Variants in STIM2 observed in about 807,000 individuals in gnomAD.
STIM2 encodes the protein stromal interaction molecule 2.
STIM2 carries 31 observed loss-of-function variants against 85.8 expected under a neutral mutation model. That is an observed-to-expected ratio of 0.36 (90% CI 0.27 to 0.49). The LOEUF (loss-of-function observed/expected upper bound fraction) is 0.49. Ranked by LOEUF, STIM2 falls within the 20% of genes least tolerant of loss-of-function variation. STIM2 has a pLI of 0.98. For missense variants in STIM2, 841 were observed against 927.6 expected (o/e 0.91, Z 1.21); for synonymous variants, 356 against 331.1 (o/e 1.08, Z -0.82).
intron 1 of STIM2, among the ~76,000 whole-genome samples, chr4:26,874,687 T>G (rs1722751684): frequency 6.6e-6 from 1 of 152,186 alleles, no homozygotes; most frequent in African/African-American, 2.4e-5. Context: ...TTAAGAACAT[T>G]AAAAAAGTGC....
At chr4:26,993,075 A>G (rs543150532) in intron 3 of STIM2, among the ~76,000 whole-genome samples, 1 of 152,230 alleles carries the variant, frequency 6.6e-6, no homozygotes, top group South Asian at 2.1e-4. Context: ...ACAGTCATAG[A>G]GAGAATCTTA....
chr4:26,921,930 A>G (rs1213317278), intron 2 of STIM2, among the ~76,000 whole-genome samples: 1 of 152,178 alleles, frequency 6.6e-6, no homozygotes, highest in Admixed American at 6.5e-5. Flanking sequence ...AGTACCAGCG[A>G]TACCAAAATC....
At chr4:27,017,531 A>G (rs1049232410) in intron 10 of STIM2, among the ~76,000 whole-genome samples, 180 bp from the exon 11 acceptor site, 1 of 149,804 alleles carries the variant, frequency 6.7e-6, no homozygotes, top group East Asian at 2.0e-4. Context: ...TTTTGTTTCT[A>G]TTTCTTAACT....
chr4:26,964,046 A>G (rs764446081), intron 3 of STIM2, among the ~76,000 whole-genome samples: 2 of 152,142 alleles, frequency 1.3e-5, no homozygotes, highest in Non-Finnish European at 2.9e-5. Context: ...TGGAAGGTAA[A>G]TCTGACCATG....
chr4:27,021,547 T>C (rs932944866), intron 11 of STIM2: 1 of 456,580 alleles, frequency 2.2e-6, no homozygotes. Flanking sequence ...GTACACGGCC[T>C]GGTACGCTTT....
chr4:26,891,987 A>G (rs189553183), intron 1 of STIM2, among the ~76,000 whole-genome samples: 5 of 152,112 alleles, frequency 3.3e-5, no homozygotes, highest in South Asian at 2.1e-4. Context: ...TGCTGTTCTC[A>G]TGATAGTGAA....
intron 2 of STIM2, among the ~76,000 whole-genome samples, chr4:26,919,903 T>G (rs769309722): frequency 6.6e-6 from 1 of 152,214 alleles, no homozygotes; most frequent in Non-Finnish European, 1.5e-5. Context: ...CTATTCTGAC[T>G]GTATTTTATC....
At chr4:26,897,128 A>G (rs991514316) in intron 1 of STIM2, among the ~76,000 whole-genome samples, 26 of 152,310 alleles carry the variant, frequency 1.7e-4, no homozygotes, top group Non-Finnish European at 2.8e-4. Flanking sequence ...TGTTTTCACT[A>G]TGGGCCTATT....
chr4:26,941,739 GTATC>G (rs1384860982), intron 2 of STIM2, among the ~76,000 whole-genome samples: 1 of 151,586 alleles, frequency 6.6e-6, no homozygotes, highest in African/African-American at 2.4e-5. Flanking sequence ...TTAAAGGTAA[GTATC>G]TTTTTAATGA....
intron 7 of STIM2, among the ~76,000 whole-genome samples, chr4:27,006,167 C>A (rs1728325489): frequency 6.6e-6 from 1 of 152,210 alleles, no homozygotes; most frequent in South Asian, 2.1e-4. Flanking sequence ...AGTTAGTGCT[C>A]TTCCCCTTAC....
At chr4:26,936,445 G>T (rs752981667) in intron 2 of STIM2, among the ~76,000 whole-genome samples, 5 of 152,132 alleles carry the variant, frequency 3.3e-5, no homozygotes, top group Non-Finnish European at 7.4e-5. Flanking sequence ...TTATTCTACT[G>T]TTTCTTATCA....
At chr4:26,975,049 TGTGTCATGAAGTTCTC>T (rs1474438963) in intron 3 of STIM2, among the ~76,000 whole-genome samples, 1 of 152,124 alleles carries the variant, frequency 6.6e-6, no homozygotes, top group Non-Finnish European at 1.5e-5. Context: ...AGCTTGTGCA[TGTGTCATGAAGTTCTC>T]GTGCCATAGT....
At position 27,008,866 on chromosome 4, in the gene STIM2, C is replaced by T; in HGVS notation, c.1353C>T (p.Leu451=). ...TTCAGATAGCCCATAACTCAGGACT[C>T]CCCAGCCTGACCTCTTCCCTTTATT... The change falls in exon 10 of 12, where the codon CTC becomes CTT. Residue 451 remains leucine, a synonymous_variant. Coordinates refer to ENST00000467087, the MANE Select transcript of STIM2 (RefSeq NM_020860.4). The T allele has an allele frequency of 6.2e-7, 1 of 1,614,098 alleles. No homozygotes were observed. Among genetic ancestry groups the T allele is most frequent in the Non-Finnish European group, 8.5e-7 (1 of 1,179,994 alleles).
chr4:27,018,380 C>G (rs1484306665), intron 11 of STIM2, among the ~76,000 whole-genome samples: 1 of 152,162 alleles, frequency 6.6e-6, no homozygotes, highest in Non-Finnish European at 1.5e-5. Context: ...GTCCACTGTT[C>G]CTTGCCACAG....
chr4:26,986,899 C>G (rs150849733), intron 3 of STIM2, among the ~76,000 whole-genome samples: 21 of 152,356 alleles, frequency 1.4e-4, no homozygotes, highest in African/African-American at 5.1e-4. Flanking sequence ...GGTGTGTTTT[C>G]TACAGTCCTT....
intron 1 of STIM2, among the ~76,000 whole-genome samples, chr4:26,866,530 A>G (rs1312403347): frequency 6.6e-6 from 1 of 152,168 alleles, no homozygotes; most frequent in African/African-American, 2.4e-5. Flanking sequence ...ATAAGTGAAA[A>G]GGCTTTCTGG....
chr4:26,965,109 T>C (rs1293802393), intron 3 of STIM2, among the ~76,000 whole-genome samples: 1 of 152,152 alleles, frequency 6.6e-6, no homozygotes, highest in Non-Finnish European at 1.5e-5. Flanking sequence ...TAGGGGAAGC[T>C]CTTATTATAG....
At chr4:26,979,870 T>C (rs1208597360) in intron 3 of STIM2, among the ~76,000 whole-genome samples, 2 of 152,214 alleles carry the variant, frequency 1.3e-5, no homozygotes, top group Non-Finnish European at 2.9e-5. Context: ...AATGAAAGAT[T>C]TGGTAGTATG....
chr4:26,863,860 GC>G (rs1384369824), intron 1 of STIM2, among the ~76,000 whole-genome samples: 1 of 152,090 alleles, frequency 6.6e-6, no homozygotes, highest in East Asian at 1.9e-4. Context: ...CAAAATGACA[GC>G]CAAAATCACT....
Sources: gnomAD v4.1 joint callset for allele counts (sites outside exome capture counted in the v4.1 genomes callset) on GRCh38, gnomAD v4.1.1 for gene constraint, MANE v1.5 for transcripts, NCBI Gene and HGNC (gene_info 2026-07-23, HGNC 2026-07-21) for gene names.